GPHN: variants seen among roughly 807,000 people sequenced by gnomAD.
GPHN encodes gephyrin.
A neutral mutation model predicts 95.5 loss-of-function variants in GPHN; 17 were observed. The observed-to-expected ratio is 0.18, with a 90% CI of 0.12 to 0.27. GPHN has a LOEUF of 0.27. Among genes scored for constraint, GPHN ranks in the 10% least tolerant of loss-of-function variants. GPHN has a pLI of 1.00. For missense variants in GPHN, 660 were observed against 978.1 expected (o/e 0.67, Z 4.34); for synonymous variants, 320 against 322.5 (o/e 0.99, Z 0.08).
chr14:66,997,366 T>TAAA (rs34315684), intron 9 of GPHN, among the ~76,000 whole-genome samples: 9 of 123,982 alleles, frequency 7.3e-5, no homozygotes, highest in Non-Finnish European at 8.8e-5. Flanking sequence ...GACTTCGTCT[T>TAAA]AAAAAAAAAA....
chr14:67,323,209 A>G, the GPHN span, among the ~76,000 whole-genome samples: 1 of 140,474 alleles, frequency 7.1e-6, no homozygotes, highest in Non-Finnish European at 1.5e-5. Context: ...GTGTATATAT[A>G]TACATATATA....
At chr14:67,657,533 TAAC>T in the GPHN span, among the ~76,000 whole-genome samples, 3 of 151,978 alleles carry the variant, frequency 2.0e-5, no homozygotes, top group Non-Finnish European at 4.4e-5. Context: ...AGGCCAGAAT[TAAC>T]AACCACTGAC....
At chr14:67,078,950 T>C (rs540619116) in intron 11 of GPHN, among the ~76,000 whole-genome samples, 1 of 152,202 alleles carries the variant, frequency 6.6e-6, no homozygotes. Context: ...TGCTGACAAG[T>C]TGACTTTATA....
intron 10 of GPHN, among the ~76,000 whole-genome samples, chr14:67,048,799 G>A (rs567104098): frequency 2.0e-5 from 3 of 152,246 alleles, no homozygotes; most frequent in East Asian, 3.9e-4. Context: ...TTCTCAGTGG[G>A]ACATGTATTT....
intron 10 of GPHN, among the ~76,000 whole-genome samples, chr14:67,056,853 C>T (rs574808626): frequency 6.6e-6 from 1 of 152,296 alleles, no homozygotes; most frequent in Admixed American, 6.5e-5. Flanking sequence ...AGGTCCTGAG[C>T]CCTGCCCCGC....
intron 9 of GPHN, among the ~76,000 whole-genome samples, chr14:66,980,837 G>A (rs970495312): frequency 6.6e-6 from 1 of 152,196 alleles, no homozygotes; most frequent in African/African-American, 2.4e-5. Flanking sequence ...TATCACCTGA[G>A]GTCGGGAGTT....
At chr14:67,372,381 G>T in the GPHN span, among the ~76,000 whole-genome samples, 1 of 152,246 alleles carries the variant, frequency 6.6e-6, no homozygotes, top group East Asian at 1.9e-4. Flanking sequence ...ATTAGGCAAA[G>T]ATTTCTTAGA....
the GPHN span, among the ~76,000 whole-genome samples, chr14:67,439,587 T>A: frequency 1.3e-3 from 179 of 137,290 alleles, 1 homozygote; most frequent in Middle Eastern, 3.6e-3. Context: ...CTTTCTTTCT[T>A]TCTTTCTTCT....
the GPHN span, among the ~76,000 whole-genome samples, chr14:67,367,164 T>A: frequency 6.6e-6 from 1 of 152,200 alleles, no homozygotes; most frequent in African/African-American, 2.4e-5. Context: ...TTCAGTTGCT[T>A]ACCATCTGGG....
chr14:67,641,993 A>G, the GPHN span, among the ~76,000 whole-genome samples: 3 of 152,186 alleles, frequency 2.0e-5, no homozygotes, highest in African/African-American at 7.2e-5. Context: ...TCTTAGTTTC[A>G]GTTTCCAACA....
intron 21 of GPHN, among the ~76,000 whole-genome samples, chr14:67,174,677 A>T (rs531431410): frequency 6.6e-6 from 1 of 152,304 alleles, no homozygotes; most frequent in East Asian, 1.9e-4. Context: ...CAATGGTTGA[A>T]CTAATTTACA....
chr14:67,488,338 G>A, the GPHN span, among the ~76,000 whole-genome samples: 40 of 152,374 alleles, frequency 2.6e-4, no homozygotes, highest in Middle Eastern at 3.4e-3. Context: ...AGGAGTGGGG[G>A]AACTGAAACT....
At chr14:66,877,631 C>T (rs915730352) in intron 4 of GPHN, among the ~76,000 whole-genome samples, 1 of 152,114 alleles carries the variant, frequency 6.6e-6, no homozygotes, top group African/African-American at 2.4e-5. Flanking sequence ...AACTCCCATT[C>T]ACAATTGCTA....
At chr14:66,625,637 G>T (rs182401038) in intron 1 of GPHN, among the ~76,000 whole-genome samples, 399 of 152,118 alleles carry the variant, frequency 2.6e-3, no homozygotes, top group African/African-American at 7.9e-3. Flanking sequence ...TTCCTCCAAT[G>T]CCTGTTTGTA....
At chr14:67,456,765 T>C in the GPHN span, among the ~76,000 whole-genome samples, 1 of 152,160 alleles carries the variant, frequency 6.6e-6, no homozygotes, top group Admixed American at 6.5e-5. Flanking sequence ...GACTTACCAA[T>C]CCCATTACTG....
rs117125977 is a variant in GPHN, at chr14:66,879,491, T to C, written c.295-448T>C. 7.9e-5 allele frequency among the ~76,000 whole-genome samples: 12 copies of C among 152,208 alleles called. No homozygotes were observed. In the East Asian group the frequency reaches 1.4e-3, roughly 17 times the overall value. On this transcript the variant is annotated intron_variant, in intron 4 of 22. Coordinates refer to ENST00000478722, the MANE Select transcript of GPHN (RefSeq NM_020806.5). ...GACATGATGACTTCTTGAGATCCTT[T>C]TAATTCTATTATAAAAGCATAGAGC... is the stretch of plus-strand genomic sequence containing the variant.
chr14:67,490,451 G>A, the GPHN span, among the ~76,000 whole-genome samples: 2 of 152,208 alleles, frequency 1.3e-5, no homozygotes, highest in Non-Finnish European at 2.9e-5. Flanking sequence ...TGTGGGCAAG[G>A]GGCCAAGCGC....
chr14:67,221,816 C>CAACCACCCTGGAAAAGAGTTTGGA, the GPHN span: 2 of 1,612,696 alleles, frequency 1.2e-6, no homozygotes, highest in African/African-American at 2.7e-5. Context: ...AGGTATGGAA[C>CAACCACCCTGGAAAAGAGTTTGGA]AAATTCCACT....
intron 2 of GPHN, among the ~76,000 whole-genome samples, chr14:66,730,195 A>T (rs1055936625): frequency 2.6e-5 from 4 of 152,204 alleles, no homozygotes; most frequent in Non-Finnish European, 5.9e-5. Context: ...TCATCATAGG[A>T]TTCAGGGTTG....
Sources: gnomAD v4.1 joint callset for allele counts (sites outside exome capture counted in the v4.1 genomes callset) on GRCh38, gnomAD v4.1.1 for gene constraint, MANE v1.5 for transcripts, NCBI Gene and HGNC (gene_info 2026-07-23, HGNC 2026-07-21) for gene names.